Variants in SMC2 observed in about 807,000 individuals in gnomAD.
SMC2 encodes the protein structural maintenance of chromosomes protein 2.
Under a neutral mutation model 142.6 loss-of-function variants are expected in SMC2, and 41 were observed. The observed-to-expected ratio is 0.29, with a 90% CI of 0.22 to 0.37. The LOEUF is 0.37. Among genes scored for constraint, SMC2 ranks in the 10% least tolerant of loss-of-function variants. The pLI, the probability that SMC2 is intolerant of heterozygous loss-of-function variation, is 1.00. For missense variants in SMC2, 1,265 were observed against 1,373.7 expected (o/e 0.92, Z 1.25); for synonymous variants, 463 against 457.5 (o/e 1.01, Z -0.15).
intron 20 of SMC2, among the ~76,000 whole-genome samples, chr9:104,128,100 T>C (rs989494218): frequency 6.6e-6 from 1 of 152,248 alleles, no homozygotes; most frequent in Admixed American, 6.5e-5. Flanking sequence ...ATGGTATTAA[T>C]AATTCATCTA....
At chr9:104,117,867 A>C (rs555451122) in intron 14 of SMC2, among the ~76,000 whole-genome samples, 1 of 152,202 alleles carries the variant, frequency 6.6e-6, no homozygotes, top group Non-Finnish European at 1.5e-5. Context: ...TGTCCAGTCA[A>C]CGTTGGTGAA....
intron 21 of SMC2, among the ~76,000 whole-genome samples, chr9:104,130,087 A>G (rs566993451): frequency 1.2e-3 from 188 of 152,300 alleles, no homozygotes; most frequent in African/African-American, 4.3e-3. Flanking sequence ...TTTGTCAAAC[A>G]TAATTCCTCA....
chr9:104,091,104 T>C (rs1829976328), upstream of SMC2, among the ~76,000 whole-genome samples: 2 of 152,214 alleles, frequency 1.3e-5, no homozygotes, highest in African/African-American at 4.8e-5. Context: ...TTATATTCGG[T>C]GAACCCACAG....
At chr9:104,126,400 G>T (rs893974787) in intron 18 of SMC2, among the ~76,000 whole-genome samples, 1 of 151,852 alleles carries the variant, frequency 6.6e-6, no homozygotes, top group Admixed American at 6.6e-5. Context: ...AAAGGATAAA[G>T]AAAATAATTT....
At chr9:104,092,479 TAC>T (rs1830003320), upstream of SMC2, 1 of 152,240 alleles carries the variant, frequency 6.6e-6, no homozygotes, top group Non-Finnish European at 1.5e-5. Flanking sequence ...TAAAATTCTT[TAC>T]TCACAAAATG....
intron 9 of SMC2, 55 bp downstream of exon 9, chr9:104,102,628 T>C (rs1831294345): frequency 6.7e-7 from 1 of 1,493,468 alleles, no homozygotes. Flanking sequence ...TATAGTCTCA[T>C]TAGTGTACAT....
chr9:104,117,993 GT>G (rs199960625), intron 14 of SMC2, among the ~76,000 whole-genome samples, 177 bp from the exon 15 acceptor site: 174 of 151,332 alleles, frequency 1.1e-3, no homozygotes, highest in African/African-American at 3.7e-3. Flanking sequence ...TAAACCTGCA[GT>G]TTTTTTTTCC....
intron 3 of SMC2, among the ~76,000 whole-genome samples, chr9:104,097,006 G>T (rs1830506374): frequency 6.6e-6 from 1 of 151,762 alleles, no homozygotes; most frequent in South Asian, 2.1e-4. Context: ...TCCCAGTAGA[G>T]CATTGGGGTG....
chr9:104,139,156 A>T lies in SMC2; in HGVS notation c.3435A>T (p.Leu1145=), dbSNP rs749477798. 1 of 1,567,080 alleles carries T rather than the reference A, an allele frequency of 6.4e-7. No individual in the cohort carries two copies. Among genetic ancestry groups the T allele is most frequent in the South Asian group, 1.2e-5 (1 of 81,648 alleles). ...TCCTTAAGTTCATTGTGGTGTCACT[A>T]AAAGAAGGTATGTTCAACAATGCAA... ...FTHSQFIVVS[L]KEGMFNNANV... Residue 1145 remains leucine (L), a synonymous_variant, in exon 25 of 25, where the codon CTA becomes CTT. Transcript: ENST00000374793.
intron 3 of SMC2, 57 bp downstream of exon 3, chr9:104,096,354 T>C: frequency 6.4e-7 from 1 of 1,559,972 alleles, no homozygotes; most frequent in Non-Finnish European, 8.8e-7. Flanking sequence ...GATGTGGTTT[T>C]TGGCCCTATG....
intron 9 of SMC2, among the ~76,000 whole-genome samples, chr9:104,106,184 C>T (rs1831754263): frequency 6.6e-6 from 1 of 152,094 alleles, no homozygotes; most frequent in African/African-American, 2.4e-5. Flanking sequence ...ATGGAAAGTC[C>T]ACTATATTCC....
intron 23 of SMC2, among the ~76,000 whole-genome samples, chr9:104,136,770 T>A (rs535860528): frequency 2.7e-5 from 4 of 150,724 alleles, no homozygotes; most frequent in African/African-American, 7.4e-5. Flanking sequence ...TTTTTTTTTT[T>A]TTGGCTAGCA....
At chr9:104,100,524 TG>T (rs1316245270) in intron 7 of SMC2, 91 bp downstream of exon 7, 1 of 853,076 alleles carries the variant, frequency 1.2e-6, no homozygotes, top group African/African-American at 1.8e-5. Flanking sequence ...TACTATTTCT[TG>T]GGGGTTTTTT....
chr9:104,138,524 C>T (rs7860180), intron 24 of SMC2, among the ~76,000 whole-genome samples: 8,499 of 152,138 alleles, frequency 0.056, 639 homozygotes, highest in African/African-American at 0.18. Context: ...ATCAGAAAAT[C>T]ATGTGACACT....
chr9:104,112,208 C>T (rs1189387625), intron 10 of SMC2, among the ~76,000 whole-genome samples: 1 of 152,174 alleles, frequency 6.6e-6, no homozygotes, highest in Non-Finnish European at 1.5e-5. Flanking sequence ...TTGTCCTCCC[C>T]ATTGCTTTGC....
chr9:104,124,435 C>G (rs1834049425), intron 17 of SMC2, among the ~76,000 whole-genome samples: 1 of 151,922 alleles, frequency 6.6e-6, no homozygotes, highest in South Asian at 2.1e-4. Context: ...TTGCTGTATC[C>G]CAGGCATACT....
At position 104,125,084 on chromosome 9, in the gene SMC2, G is replaced by C; in HGVS notation, c.2430G>C (p.Lys810Asn). Reference sequence around the variant, plus strand: ...AAACAAAGGCAGATGCATCTAGCAAGAAGATGAAAGAAAAACAACAGGTAA... The same window carrying C: ...AAACAAAGGCAGATGCATCTAGCAACAAGATGAAAGAAAAACAACAGGTAA... ...CAKTKADASS[K>N]KMKEKQQEVE... The change falls in exon 18 of 25, where the codon AAG becomes AAC. Residue 810 changes from lysine to asparagine, a missense_variant. Physicochemically the swap from Lys to Asn is moderately conservative, Grantham distance 94 (BLOSUM62 0). Around this residue, in one of 4 missense-constraint regions of SMC2, gnomAD observed 898 missense variants for 904.2 expected, o/e 0.99. Transcript: ENST00000374793. The C allele has an allele frequency of 6.4e-7, 1 of 1,573,534 alleles. No homozygotes were observed. The highest frequency in any genetic ancestry group is 8.6e-7 in the Non-Finnish European group (1 of 1,169,328).
intron 21 of SMC2, among the ~76,000 whole-genome samples, chr9:104,131,547 T>C (rs1037456877): frequency 6.6e-6 from 1 of 152,006 alleles, no homozygotes; most frequent in Non-Finnish European, 1.5e-5. Flanking sequence ...ATGTGGTTCC[T>C]ATATATCATG....
chr9:104,133,971 C>G (rs533331642), intron 22 of SMC2, among the ~76,000 whole-genome samples: 1 of 152,118 alleles, frequency 6.6e-6, no homozygotes, highest in Admixed American at 6.6e-5. Context: ...TCCAAAAATA[C>G]TTGTGTTTTT....
Sources: allele counts gnomAD v4.1 joint callset (sites outside exome capture counted in the v4.1 genomes callset), GRCh38; gene constraint gnomAD v4.1.1; regional missense constraint gnomAD v4.1.1; transcripts MANE v1.5; gene names NCBI Gene and HGNC (gene_info 2026-07-23, HGNC 2026-07-21).